CDCP2: variants seen among roughly 807,000 people sequenced by gnomAD.
CDCP2 encodes the protein CUB domain containing protein 2, also known as CUB domain-containing protein 2.
Under a neutral mutation model 31.0 loss-of-function variants are expected in CDCP2, and 31 were observed. That is an observed-to-expected ratio of 1.00 (90% CI 0.75 to 1.35). The LOEUF (loss-of-function observed/expected upper bound fraction) is 1.35. Ranked by LOEUF, CDCP2 falls within the 40% of genes most tolerant of loss-of-function variation. CDCP2 has a pLI of 0.00. For missense variants in CDCP2, 443 were observed against 482.6 expected, an observed-to-expected ratio of 0.92 and a Z score of 0.77; for synonymous variants, 206 against 207.9, an observed-to-expected ratio of 0.99 and a Z score of 0.08.
chr1:54,147,186 G>C (rs1343112600), intron 1 of CDCP2, among the ~76,000 whole-genome samples: 12 of 150,858 alleles, frequency 8.0e-5, no homozygotes, highest in Admixed American at 7.9e-4. Context: ...TGCTTGCAGT[G>C]GATTGAAACA....
chr1:54,134,067 A>C (rs186180754), intron 5 of CDCP2, among the ~76,000 whole-genome samples: 41 of 152,280 alleles, frequency 2.7e-4, no homozygotes. Context: ...TCACTCAAAC[A>C]AAAGAATATA....
chr1:54,152,094 T>C (rs1160984960), intron 1 of CDCP2, among the ~76,000 whole-genome samples: 1 of 152,038 alleles, frequency 6.6e-6, no homozygotes, highest in African/African-American at 2.4e-5. Context: ...GGGCACTGAA[T>C]ACCATAAGAA....
At chr1:54,144,599 C>T (rs1659429312) in exon 2 of CDCP2, 1 of 1,614,094 alleles carries the variant, frequency 6.2e-7, no homozygotes, top group African/African-American at 1.3e-5. Flanking sequence ...GCAGGTTGCC[C>T]TTGTCTGGTG....
chr1:54,133,580 A>G (rs1346635986), intron 5 of CDCP2, among the ~76,000 whole-genome samples: 1 of 151,974 alleles, frequency 6.6e-6, no homozygotes, highest in African/African-American at 2.4e-5. Flanking sequence ...TCTCACAACA[A>G]TGTTCTCTTA....
chr1:54,141,006 G>T (rs1659359080), intron 3 of CDCP2, 92 bp downstream of exon 3: 1 of 1,090,426 alleles, frequency 9.2e-7, no homozygotes, highest in Non-Finnish European at 1.3e-6. Context: ...AGGCTGCGGG[G>T]GGCAGAAAGG....
Position 54,139,852 on chromosome 1 carries a change from G to T in CDCP2, c.1018C>A (p.Leu340Met), listed in dbSNP as rs201014603. 1.3e-5 allele frequency: 21 copies of T among 1,614,100 alleles called. 1 individual carries two copies. The East Asian group carries it at 4.5e-4, about 34-fold the overall frequency. ...TGGCTTGAGGTCACGGGTGGTGGCA[G>T]GTGGTGTCCACACCAATTCCCCAGC... Residue 340 changes from leucine to methionine, a missense_variant, in exon 4 of 6, where the codon CTG (leucine) becomes ATG (methionine). Coordinates refer to ENST00000530059, the Ensembl canonical transcript of CDCP2.
exon 2 of CDCP2, chr1:54,144,472 G>C (rs779129998): frequency 1.3e-6 from 2 of 1,571,938 alleles, no homozygotes; most frequent in Non-Finnish European, 1.7e-6. Context: ...TGACCTTTCT[G>C]GTAGCCCGCA....
exon 5 of CDCP2, chr1:54,136,792 C>T (rs1422182156): frequency 2.5e-6 from 1 of 399,174 alleles, no homozygotes; most frequent in African/African-American, 2.1e-5. Context: ...GGGAGCAGCT[C>T]ACGTTCATGG....
downstream of CDCP2, chr1:54,132,781 C>T (rs1394294563): frequency 1.3e-5 from 5 of 396,648 alleles, no homozygotes; most frequent in South Asian, 1.4e-4. Flanking sequence ...CATCTCTGCC[C>T]GCCTCTGAGC....
At chr1:54,146,712 A>C (rs940848034) in intron 1 of CDCP2, among the ~76,000 whole-genome samples, 1 of 151,838 alleles carries the variant, frequency 6.6e-6, no homozygotes, top group Non-Finnish European at 1.5e-5. Context: ...ACCAGGTTTA[A>C]TACAGGAAAT....
intron 1 of CDCP2, among the ~76,000 whole-genome samples, chr1:54,146,283 G>A (rs569939584): frequency 1.7e-4 from 26 of 149,282 alleles, no homozygotes; most frequent in South Asian, 8.3e-4. Context: ...AGGTTCAAGC[G>A]ATTCTCATGC....
intron 1 of CDCP2, among the ~76,000 whole-genome samples, chr1:54,146,553 CTTGA>C (rs1388855086): frequency 6.6e-6 from 1 of 151,848 alleles, no homozygotes; most frequent in East Asian, 1.9e-4. Flanking sequence ...TCAGTGTGAA[CTTGA>C]TTATTTTTAT....
rs3841798 is a variant in CDCP2 at position 54,139,645 on chromosome 1, T to TGGGG, written c.1117+104_1117+107dup. ...AGAAGGAGCTGGAGAAGACCATTCA[T>TGGGG]GGGGGGGGCAGGACAAACTGGTGGG... On this transcript the variant is annotated intron_variant, in intron 4 of 5. Coordinates refer to ENST00000530059, the Ensembl canonical transcript of CDCP2. 6.8e-4 allele frequency: 1,048 copies of TGGGG among 1,533,118 alleles called. 3 individuals carry two copies. The highest frequency in any genetic ancestry group is 1.9e-3 in the South Asian group (164 of 87,830). 95.0% of individuals were successfully genotyped at this position (1,533,118 alleles called of 1,614,324 possible). A position where few individuals can be genotyped will look rare whatever the true frequency, so the allele number is the denominator to read the frequency against.
intron 1 of CDCP2, among the ~76,000 whole-genome samples, chr1:54,150,186 G>T (rs1264769821): frequency 6.6e-6 from 1 of 152,244 alleles, no homozygotes; most frequent in Non-Finnish European, 1.5e-5. Flanking sequence ...TGCTCAGAAT[G>T]CCCAGATAGG....
chr1:54,152,957 TC>T, upstream of CDCP2: 1 of 1,602,898 alleles, frequency 6.2e-7, no homozygotes, highest in South Asian at 1.1e-5. Flanking sequence ...TCTGCCGAGC[TC>T]AGGTAGGCCA....
chr1:54,143,012 T>A (rs1303608619), intron 2 of CDCP2: 3 of 152,252 alleles, frequency 2.0e-5, no homozygotes, highest in Non-Finnish European at 2.9e-5. Context: ...TTACTTGTGT[T>A]TTTAATGACT....
chr1:54,147,734 C>T (rs780623625), intron 1 of CDCP2, among the ~76,000 whole-genome samples: 1 of 151,608 alleles, frequency 6.6e-6, no homozygotes, highest in Non-Finnish European at 1.5e-5. Flanking sequence ...TTTGGCTGGC[C>T]GTGATGGCTC....
chr1:54,152,789 G>A (rs1404125177), intron 1 of CDCP2, 55 bp downstream of exon 1: 4 of 1,528,854 alleles, frequency 2.6e-6, no homozygotes, highest in South Asian at 1.2e-5. Context: ...GCCCCTGGCT[G>A]TTGCCTGCCC....
At chr1:54,136,754 G>A (rs1278811240) in exon 5 of CDCP2, 5 of 399,172 alleles carry the variant, frequency 1.3e-5, no homozygotes, top group African/African-American at 4.1e-5. Context: ...CAGCGCCTGC[G>A]TGGAGATCAG....
Sources: allele counts gnomAD v4.1 joint callset (sites outside exome capture counted in the v4.1 genomes callset), GRCh38; gene constraint gnomAD v4.1.1; transcripts MANE v1.5; gene names NCBI Gene and HGNC (gene_info 2026-07-23, HGNC 2026-07-21).